TENM4: variants seen among roughly 807,000 people sequenced by gnomAD.
TENM4 encodes the protein teneurin-4.
TENM4 carries 82 observed loss-of-function variants against 243.3 expected under a neutral mutation model. The ratio of observed to expected loss-of-function variants is 0.34; its 90% confidence interval spans 0.28 to 0.40. TENM4 has a LOEUF of 0.40. Ranked by LOEUF, TENM4 falls within the 10% of genes least tolerant of loss-of-function variation. TENM4 has a pLI of 1.00. For missense variants in TENM4, 3,138 were observed against 3,673.3 expected, an observed-to-expected ratio of 0.85 and a Z score of 3.77; for synonymous variants, 1,412 against 1,456.3, an observed-to-expected ratio of 0.97 and a Z score of 0.69.
At chr11:78,760,922 T>C (rs537652127) in intron 18 of TENM4, among the ~76,000 whole-genome samples, 1 of 152,382 alleles carries the variant, frequency 6.6e-6, no homozygotes, top group Admixed American at 6.5e-5. Flanking sequence ...TCATAAATTA[T>C]CTTACTTTAA....
In TENM4 at chr11:78,844,725, A is replaced by G. The variant is rs576623101; in HGVS notation, c.1681+9379T>C. Among the ~76,000 whole-genome samples, 8 of 152,268 alleles carry G rather than the reference A, an allele frequency of 5.3e-5. No individual in the cohort carries two copies. In the South Asian group the frequency reaches 1.7e-3, roughly 32 times the overall value. ...AAAAGCCCACATGAGGACGAGGACA[A>G]AGCAAGAAGGCGACTGTTGCCAGCC... is the stretch of plus-strand genomic sequence containing the variant. On this transcript the variant is annotated intron_variant, in intron 12 of 33. Transcript: ENST00000278550.
intron 30 of TENM4, among the ~76,000 whole-genome samples, chr11:78,675,704 G>A (rs1432375817): frequency 6.6e-6 from 1 of 152,202 alleles, no homozygotes; most frequent in Admixed American, 6.5e-5. Flanking sequence ...GGACATGCTA[G>A]CAATAGTAAT....
chr11:78,868,941 T>C (rs1859055929), intron 9 of TENM4, among the ~76,000 whole-genome samples: 1 of 152,162 alleles, frequency 6.6e-6, no homozygotes, highest in African/African-American at 2.4e-5. Context: ...TGACTATTTC[T>C]ATGAAATCAG....
intron 1 of TENM4, among the ~76,000 whole-genome samples, chr11:79,427,151 GT>G (rs1859069804): frequency 6.6e-6 from 1 of 152,130 alleles, no homozygotes; most frequent in African/African-American, 2.4e-5. Context: ...AACTTCCCTG[GT>G]CAAACTACTA....
intron 21 of TENM4, among the ~76,000 whole-genome samples, chr11:78,730,206 G>A (rs1855620937): frequency 6.6e-6 from 1 of 152,210 alleles, no homozygotes; most frequent in African/African-American, 2.4e-5. Flanking sequence ...ATGCAGTGCT[G>A]CTGCTGCTGG....
chr11:79,002,618 G>T (rs188589608), intron 6 of TENM4, among the ~76,000 whole-genome samples: 2 of 152,088 alleles, frequency 1.3e-5, no homozygotes, highest in Middle Eastern at 3.2e-3. Context: ...ACCCCCAAGC[G>T]CATCAAACAA....
At chr11:79,000,589 TC>T (rs1858292900) in intron 6 of TENM4, among the ~76,000 whole-genome samples, 3 of 152,138 alleles carry the variant, frequency 2.0e-5, no homozygotes, top group Admixed American at 2.0e-4. Flanking sequence ...CATTTTGTAT[TC>T]CCTAGAGCAA....
chr11:79,035,759 G>T (rs1327907482), intron 6 of TENM4, among the ~76,000 whole-genome samples: 1 of 151,642 alleles, frequency 6.6e-6, no homozygotes, highest in African/African-American at 2.4e-5. Context: ...CTACTTTTTG[G>T]TTCAAAAATA....
intron 1 of TENM4, among the ~76,000 whole-genome samples, chr11:79,319,623 C>G (rs1856855724): frequency 6.6e-6 from 1 of 152,122 alleles, no homozygotes; most frequent in Non-Finnish European, 1.5e-5. Context: ...GATCTGAAGC[C>G]TTGAGTATCG....
chr11:78,728,525 G>A (rs1407398650), intron 22 of TENM4, among the ~76,000 whole-genome samples: 25 of 90,448 alleles, frequency 2.8e-4, no homozygotes, highest in Admixed American at 5.9e-4. Context: ...CCCTCTTCCC[G>A]CCTCCTTCCC....
intron 18 of TENM4, among the ~76,000 whole-genome samples, chr11:78,759,131 C>T (rs559573708): frequency 2.4e-4 from 37 of 152,242 alleles, no homozygotes; most frequent in South Asian, 1.5e-3. Flanking sequence ...CTCTGAGATA[C>T]GGAAGGAATG....
chr11:78,863,026 G>A lies in TENM4; in HGVS notation c.1191C>T (p.Ser397=). The change falls in exon 10 of 34, where the codon TCC becomes TCT. Residue 397 remains serine (S), a synonymous_variant. Coordinates refer to ENST00000278550, the MANE Select transcript of TENM4 (RefSeq NM_001098816.3). The part of the protein sequence containing the change: ...ASSWPVPTDV[S]LYPSGGTGLE... ...AGCCAGTGCCCCCTGAGGGGTATAG[G>A]GAGACGTCGGTTGGCACAGGCCAAC... The A allele has an allele frequency of 6.5e-7, 1 of 1,536,404 alleles. No homozygotes were observed. The highest frequency in any genetic ancestry group is 2.0e-5 in the Admixed American group (1 of 50,616).
At chr11:78,691,765 C>T (rs568078293) in intron 28 of TENM4, among the ~76,000 whole-genome samples, 19 of 152,294 alleles carry the variant, frequency 1.2e-4, no homozygotes, top group Non-Finnish European at 2.8e-4. Flanking sequence ...TCACATTTTC[C>T]ATTAGAAGGA....
chr11:79,206,915 G>C (rs11237760), intron 3 of TENM4, among the ~76,000 whole-genome samples: 5,321 of 152,192 alleles, frequency 0.035, 138 homozygotes, highest in African/African-American at 0.071. Context: ...TCTTAGTCCT[G>C]GGCAGGACTA....
At chr11:78,844,012 G>A (rs986638875) in intron 12 of TENM4, among the ~76,000 whole-genome samples, 4 of 152,172 alleles carry the variant, frequency 2.6e-5, no homozygotes, top group African/African-American at 9.7e-5. Context: ...TCCCTGTCTT[G>A]TCAGGCAGCT....
At chr11:79,320,968 G>T (rs937468897) in intron 1 of TENM4, among the ~76,000 whole-genome samples, 2 of 152,182 alleles carry the variant, frequency 1.3e-5, no homozygotes, top group African/African-American at 4.8e-5. Flanking sequence ...TTGACAAAAA[G>T]GTGGAAGCAT....
intron 6 of TENM4, among the ~76,000 whole-genome samples, chr11:78,997,897 C>G (rs1190480056): frequency 6.6e-6 from 1 of 152,126 alleles, no homozygotes; most frequent in Non-Finnish European, 1.5e-5. Context: ...GATCAGTGCC[C>G]TTATAAGAGG....
intron 3 of TENM4, among the ~76,000 whole-genome samples, chr11:79,192,193 G>C (rs924267783): frequency 6.6e-5 from 10 of 151,390 alleles, no homozygotes; most frequent in African/African-American, 2.4e-4. Context: ...GAGCTGAGGG[G>C]CACCTCTGCC....
At chr11:79,214,308 T>A (rs560435644) in intron 3 of TENM4, among the ~76,000 whole-genome samples, 6 of 152,116 alleles carry the variant, frequency 3.9e-5, no homozygotes, top group Admixed American at 3.9e-4. Flanking sequence ...AAGCAAAAAA[T>A]ATTAATGGAG....
Sources: allele counts gnomAD v4.1 joint callset (sites outside exome capture counted in the v4.1 genomes callset), GRCh38; gene constraint gnomAD v4.1.1; transcripts MANE v1.5; gene names NCBI Gene and HGNC (gene_info 2026-07-23, HGNC 2026-07-21).